The following GLI3 variants were observed in gnomAD, a reference collection of about 807,000 sequenced individuals.
GLI3 encodes the protein transcription activator GLI3.
A neutral mutation model predicts 100.8 loss-of-function variants in GLI3; 20 were observed. That is an observed-to-expected ratio of 0.20 (90% CI 0.14 to 0.29). The LOEUF (loss-of-function observed/expected upper bound fraction) is 0.29, where lower values mean the gene tolerates loss of function less well. Ranked by LOEUF, GLI3 falls within the 10% of genes least tolerant of loss-of-function variation. The pLI is 1.00. For synonymous variants in GLI3, 938 were observed against 860.5 expected (o/e 1.09, Z -1.58); for missense variants, 2,040 against 2,128.5 (o/e 0.96, Z 0.82).
intron 2 of GLI3, among the ~76,000 whole-genome samples, chr7:42,165,497 TAAAC>T (rs780006102): frequency 5.9e-5 from 9 of 152,236 alleles, no homozygotes; most frequent in Non-Finnish European, 1.3e-4. Context: ...CATGGACACT[TAAAC>T]ATCAGAAAAG....
At chr7:42,013,734 A>G (rs1331399770) in intron 10 of GLI3, among the ~76,000 whole-genome samples, 1 of 152,234 alleles carries the variant, frequency 6.6e-6, no homozygotes, top group Non-Finnish European at 1.5e-5. Context: ...CAATCACAAT[A>G]AAAGCTAACT....
At chr7:42,256,642 T>C (rs2128711226) in intron 1 of GLI3, among the ~76,000 whole-genome samples, 2 of 152,348 alleles carry the variant, frequency 1.3e-5, no homozygotes, top group South Asian at 4.1e-4. Flanking sequence ...TTCATCCATA[T>C]GCCTATCCTG....
At chr7:42,006,977 A>G (rs956246573) in intron 10 of GLI3, among the ~76,000 whole-genome samples, 4 of 152,196 alleles carry the variant, frequency 2.6e-5, no homozygotes, top group Non-Finnish European at 4.4e-5. Context: ...TTCTCAGGCA[A>G]CAGAAATGTG....
Position 41,964,301 on chromosome 7 carries a change from C to T in GLI3, c.*29G>A, listed in dbSNP as rs199988252. 21 of 1,605,222 alleles carry T rather than the reference C, an allele frequency of 1.3e-5. No homozygotes were observed. In the Admixed American group the frequency reaches 2.7e-4, roughly 20 times the overall value. ...AATCTCTTCAACTCCTATTGATTTC[C>T]GTTGGTTGCAGTCTTTTTTTCCTAA... On this transcript the variant is annotated 3_prime_UTR_variant, in exon 15 of 15. Transcript: ENST00000395925.
In GLI3 at chr7:41,972,221, T is replaced by C. The variant is rs953991361; in HGVS notation, c.2103+116A>G. ...ACGGGTCACTGCCCTCATCGCCTCCTCAGATCAGAGACAGCCTGACACAGT... is the reference window on the plus strand; with the variant it reads ...ACGGGTCACTGCCCTCATCGCCTCCCCAGATCAGAGACAGCCTGACACAGT... On this transcript the variant is annotated intron_variant, in intron 13 of 14. Coordinates refer to ENST00000395925, the MANE Select transcript of GLI3 (RefSeq NM_000168.6). This position sits in a 1 kb window ranked among gnomAD's most constrained non-coding sequence, Gnocchi z 4.4. 2 of 975,032 alleles carry C rather than the reference T, an allele frequency of 2.1e-6. No individual in the cohort carries two copies. The highest frequency in any genetic ancestry group is 3.2e-5 in the African/African-American group (2 of 62,770). 60.4% of individuals were successfully genotyped at this position (975,032 alleles called of 1,614,324 possible).
intron 4 of GLI3, among the ~76,000 whole-genome samples, chr7:42,060,881 G>A (rs1414467601): frequency 6.6e-6 from 1 of 152,104 alleles, no homozygotes; most frequent in Non-Finnish European, 1.5e-5. Context: ...ATTTCCTTTA[G>A]CAGAAACTTT....
intron 1 of GLI3, among the ~76,000 whole-genome samples, chr7:42,243,900 C>T (rs746529338): frequency 8.5e-5 from 13 of 152,176 alleles, no homozygotes; most frequent in Non-Finnish European, 1.3e-4. Context: ...GTGGTGCAAT[C>T]TCCACTCACT....
intron 10 of GLI3, among the ~76,000 whole-genome samples, chr7:42,016,295 C>A (rs146820543): frequency 4.5e-4 from 68 of 152,244 alleles, no homozygotes; most frequent in African/African-American, 1.6e-3. Context: ...GAACCCAGAG[C>A]GCCGCTCCAG....
chr7:42,189,734 T>A (rs1338556381), intron 2 of GLI3, among the ~76,000 whole-genome samples: 1 of 152,142 alleles, frequency 6.6e-6, no homozygotes, highest in East Asian at 1.9e-4. Context: ...TTACCAAAAC[T>A]TGACAGAGTG....
At chr7:42,133,640 G>T (rs1786349272) in intron 3 of GLI3, among the ~76,000 whole-genome samples, 1 of 74,090 alleles carries the variant, frequency 1.3e-5, no homozygotes, top group Non-Finnish European at 2.9e-5. Context: ...ATAGAAAGCA[G>T]CAGAAAAAAA....
chr7:42,136,657 C>T (rs982990924), intron 3 of GLI3, among the ~76,000 whole-genome samples: 1 of 152,216 alleles, frequency 6.6e-6, no homozygotes, highest in Admixed American at 6.5e-5. Context: ...GTCTCATTCT[C>T]CCCTACAACC....
chr7:41,964,796 T>A lies in GLI3; in HGVS notation c.4277A>T (p.Lys1426Ile), dbSNP rs769269390. 1.7e-5 allele frequency: 27 copies of A among 1,613,908 alleles called. No homozygotes were observed. Among genetic ancestry groups the A allele is most frequent in the Non-Finnish European group, 2.2e-5 (26 of 1,179,874 alleles). The change falls in exon 15 of 15, where the codon AAA (lysine) becomes ATA (isoleucine). Residue 1426 changes from lysine to isoleucine, a missense_variant. Coordinates refer to ENST00000395925, the MANE Select transcript of GLI3 (RefSeq NM_000168.6). The stretch of plus-strand genomic sequence containing the variant: ...AGAGCACAGCGGATGGGGCTGCCCT[T>A]TCATCTCCATCTTGATACCATTCAC... ...CRVNGIKMEMKGQPHPLCSNL... is the reference protein window; with the variant it reads ...CRVNGIKMEMIGQPHPLCSNL...
chr7:42,107,889 G>A (rs1011641582), intron 3 of GLI3, among the ~76,000 whole-genome samples: 10 of 152,150 alleles, frequency 6.6e-5, no homozygotes, highest in Non-Finnish European at 8.8e-5. Context: ...CAACCTTGCC[G>A]GTGGCGTGCT....
intron 7 of GLI3, among the ~76,000 whole-genome samples, chr7:42,030,066 G>C (rs199626769): frequency 6.6e-6 from 1 of 152,134 alleles, no homozygotes; most frequent in South Asian, 2.1e-4. Flanking sequence ...TACAGTTCTG[G>C]AAGTCAGAAG....
intron 3 of GLI3, among the ~76,000 whole-genome samples, chr7:42,114,868 AT>A (rs1372125482): frequency 1.3e-5 from 2 of 151,668 alleles, no homozygotes; most frequent in Middle Eastern, 3.4e-3. Context: ...CACTCAGCTA[AT>A]TTTTGTATTT....
intron 1 of GLI3, among the ~76,000 whole-genome samples, chr7:42,263,529 C>T (rs980661212): frequency 3.9e-5 from 6 of 151,998 alleles, no homozygotes; most frequent in Non-Finnish European, 8.8e-5. Context: ...TCACTGCAAC[C>T]TCCTCCTCAC....
intron 2 of GLI3, among the ~76,000 whole-genome samples, chr7:42,181,686 T>C (rs1787597329): frequency 6.6e-6 from 1 of 152,192 alleles, no homozygotes; most frequent in Non-Finnish European, 1.5e-5. Flanking sequence ...ACTCTATAAA[T>C]ACCATTCAAC....
chr7:41,982,293 C>A (rs115638297), intron 10 of GLI3, among the ~76,000 whole-genome samples: 125 of 152,292 alleles, frequency 8.2e-4, no homozygotes, highest in African/African-American at 2.6e-3. Context: ...CATCTCTCTG[C>A]CTGTTTAAGC....
At chr7:42,022,640 T>C (rs182472933) in intron 10 of GLI3, among the ~76,000 whole-genome samples, 7 of 152,306 alleles carry the variant, frequency 4.6e-5, no homozygotes, top group Admixed American at 2.6e-4. Flanking sequence ...TGCATCTTTT[T>C]ATTCTCGATC....
Sources: gnomAD v4.1 joint callset for allele counts (sites outside exome capture counted in the v4.1 genomes callset) on GRCh38, gnomAD v4.1.1 for gene constraint, Gnocchi (gnomAD v3.1) non-coding constraint, MANE v1.5 for transcripts, NCBI Gene and HGNC (gene_info 2026-07-23, HGNC 2026-07-21) for gene names.